RAB38: variants seen among roughly 807,000 people sequenced by gnomAD.
RAB38 encodes ras-related protein Rab-38.
RAB38 carries 15 observed loss-of-function variants against 18.4 expected under a neutral mutation model. That is an observed-to-expected ratio of 0.82 (90% CI 0.55 to 1.26). RAB38 has a LOEUF of 1.26. RAB38 is among the 50% of genes most tolerant of loss of function. The pLI, the probability that RAB38 is intolerant of heterozygous loss-of-function variation, is 0.00. For missense variants in RAB38, 294 were observed against 267.4 expected (o/e 1.10, Z -0.69); for synonymous variants, 101 against 104.4 (o/e 0.97, Z 0.20).
the RAB38 span, among the ~76,000 whole-genome samples, chr11:87,941,890 C>G: frequency 6.6e-6 from 1 of 152,108 alleles, no homozygotes; most frequent in Non-Finnish European, 1.5e-5. Flanking sequence ...ACTCCCTTAC[C>G]TGTCAGCAGA....
At chr11:87,914,641 G>A in the RAB38 span, among the ~76,000 whole-genome samples, 2 of 152,288 alleles carry the variant, frequency 1.3e-5, no homozygotes, top group Non-Finnish European at 2.9e-5. Flanking sequence ...GTGCAGTCAA[G>A]TGACTGCTTG....
At chr11:87,967,303 C>T in the RAB38 span, among the ~76,000 whole-genome samples, 1 of 152,126 alleles carries the variant, frequency 6.6e-6, no homozygotes, top group Non-Finnish European at 1.5e-5. Flanking sequence ...CTGAGCAAAA[C>T]AGCTGAATAA....
the RAB38 span, among the ~76,000 whole-genome samples, chr11:87,972,103 G>A: frequency 2.0e-5 from 3 of 152,002 alleles, no homozygotes; most frequent in Non-Finnish European, 2.9e-5. Context: ...GCATTACAGA[G>A]TGCCATGGAA....
At chr11:87,937,393 G>A in the RAB38 span, among the ~76,000 whole-genome samples, 3 of 137,602 alleles carry the variant, frequency 2.2e-5, no homozygotes, top group African/African-American at 8.1e-5. Context: ...ATATTATGAG[G>A]ATATTGGTTT....
At chr11:87,895,828 A>T in the RAB38 span, among the ~76,000 whole-genome samples, 1 of 151,788 alleles carries the variant, frequency 6.6e-6, no homozygotes, top group Non-Finnish European at 1.5e-5. Flanking sequence ...GAGAAGATAG[A>T]CATATTATTC....
the RAB38 span, among the ~76,000 whole-genome samples, chr11:87,883,093 CTT>C: frequency 1.3e-5 from 2 of 151,962 alleles, no homozygotes; most frequent in South Asian, 4.1e-4. Flanking sequence ...TAGAAATACT[CTT>C]TGTAGATTTT....
At chr11:88,077,033 A>AAAAGAAAAGAAAAGC in the RAB38 span, among the ~76,000 whole-genome samples, 1 of 109,394 alleles carries the variant, frequency 9.1e-6, no homozygotes, top group Non-Finnish European at 1.8e-5. Flanking sequence ...GAAAAGAAAG[A>AAAAGAAAAGAAAAGC]AAGCAAGCAA....
At chr11:88,080,412 G>GAT in the RAB38 span, among the ~76,000 whole-genome samples, 1 of 151,780 alleles carries the variant, frequency 6.6e-6, no homozygotes, top group South Asian at 2.1e-4. Context: ...AATAAAAGGT[G>GAT]ATATATATAC....
chr11:88,169,086 AAGTGCTGTCTCTGGTCTATGGC>A (rs1218869077), intron 1 of RAB38, among the ~76,000 whole-genome samples: 3 of 152,262 alleles, frequency 2.0e-5, no homozygotes, highest in South Asian at 4.1e-4. Context: ...GTATGTAAAA[AAGTGCTGTCTCTGGTCTATGGC>A]AGTGGGAAAA....
At chr11:88,174,951 T>G (rs1943365148) in intron 1 of RAB38, among the ~76,000 whole-genome samples, 1 of 152,218 alleles carries the variant, frequency 6.6e-6, no homozygotes, top group Admixed American at 6.5e-5. Flanking sequence ...GGCAGAGAGA[T>G]CCCAGGGGAC....
chr11:87,881,143 C>T, the RAB38 span, among the ~76,000 whole-genome samples: 2 of 151,798 alleles, frequency 1.3e-5, no homozygotes, highest in Non-Finnish European at 2.9e-5. Flanking sequence ...CATGCCCAGA[C>T]TGCTTTGCTT....
the RAB38 span, among the ~76,000 whole-genome samples, chr11:87,909,686 T>C: frequency 1.3e-5 from 2 of 152,190 alleles, no homozygotes; most frequent in South Asian, 4.1e-4. Context: ...ATACAGTATA[T>C]GCTCTTTTTA....
At chr11:87,886,784 G>A in the RAB38 span, among the ~76,000 whole-genome samples, 1 of 150,942 alleles carries the variant, frequency 6.6e-6, no homozygotes, top group Non-Finnish European at 1.5e-5. Flanking sequence ...CCACTTGATC[G>A]AGCCGGGTTT....
chr11:87,915,039 A>C, the RAB38 span, among the ~76,000 whole-genome samples: 1 of 152,172 alleles, frequency 6.6e-6, no homozygotes, highest in Non-Finnish European at 1.5e-5. Context: ...GAGCCACTAC[A>C]GAGAATCCCC....
the RAB38 span, among the ~76,000 whole-genome samples, chr11:87,916,805 T>C: frequency 0.094 from 14,278 of 152,222 alleles, 869 homozygotes; most frequent in Admixed American, 0.22. Flanking sequence ...ATCCAGTCTA[T>C]TGACTTCTAA....
the RAB38 span, among the ~76,000 whole-genome samples, chr11:87,862,356 G>T: frequency 6.6e-6 from 1 of 152,056 alleles, no homozygotes; most frequent in Non-Finnish European, 1.5e-5. Flanking sequence ...CATGTCCTTT[G>T]CTGGGGCATG....
the RAB38 span, among the ~76,000 whole-genome samples, chr11:87,853,211 G>C: frequency 2.6e-5 from 4 of 152,322 alleles, no homozygotes; most frequent in Admixed American, 2.6e-4. Flanking sequence ...GCCAATGAGT[G>C]AGTTATAGAC....
the RAB38 span, among the ~76,000 whole-genome samples, chr11:87,937,311 CATATATATATATATATATATAT>C: frequency 0.06 from 4,947 of 82,728 alleles, 513 homozygotes; most frequent in African/African-American, 0.2. Flanking sequence ...ACTTGGTCAT[CATATATATATATATATATATAT>C]ATATATATAT....
At chr11:88,062,422 C>G in the RAB38 span, among the ~76,000 whole-genome samples, 1 of 152,202 alleles carries the variant, frequency 6.6e-6, no homozygotes, top group Non-Finnish European at 1.5e-5. Context: ...AATTAAACCT[C>G]TTTTCTTTAT....
Sources: gnomAD v4.1 joint callset for allele counts (sites outside exome capture counted in the v4.1 genomes callset) on GRCh38, gnomAD v4.1.1 for gene constraint, MANE v1.5 for transcripts, NCBI Gene and HGNC (gene_info 2026-07-23, HGNC 2026-07-21) for gene names.